PAK1: variants seen among roughly 807,000 people sequenced by gnomAD.
PAK1 encodes serine/threonine-protein kinase PAK 1.
PAK1 carries 29 observed loss-of-function variants against 67.4 expected under a neutral mutation model. The ratio of observed to expected loss-of-function variants is 0.43; its 90% CI spans 0.32 to 0.59. PAK1 has a LOEUF of 0.59. PAK1 is among the 20% of genes least tolerant of loss of function. PAK1 has a pLI of 0.07. For missense variants in PAK1, 337 were observed against 670.7 expected (o/e 0.50, Z 5.50); for synonymous variants, 223 against 237.4 (o/e 0.94, Z 0.56).
chr11:77,435,657 CTTTTT>C (rs35603502), intron 1 of PAK1, among the ~76,000 whole-genome samples: 2 of 68,600 alleles, frequency 2.9e-5, no homozygotes, highest in African/African-American at 6.8e-5. Flanking sequence ...CTACACCTGG[CTTTTT>C]TTTTTTTTTT....
At chr11:77,438,011 C>G (rs1853822022) in intron 1 of PAK1, among the ~76,000 whole-genome samples, 3 of 151,976 alleles carry the variant, frequency 2.0e-5, no homozygotes, top group Admixed American at 2.0e-4. Flanking sequence ...TTCCTTCTCC[C>G]TCTTCTCCTT....
chr11:77,383,593 G>C (rs560844166), intron 2 of PAK1, among the ~76,000 whole-genome samples: 4 of 152,172 alleles, frequency 2.6e-5, no homozygotes, highest in Admixed American at 2.6e-4. Flanking sequence ...CCAAAGTGCT[G>C]GTATTACAGG....
chr11:77,340,600 T>C (rs780335338), intron 11 of PAK1, 46 bp downstream of exon 11: 2 of 929,252 alleles, frequency 2.2e-6, no homozygotes, highest in Admixed American at 3.4e-5. Flanking sequence ...GAGACAGGAA[T>C]ATGGAGGCAG....
intron 4 of PAK1, among the ~76,000 whole-genome samples, chr11:77,375,573 T>C (rs1948987589): frequency 6.6e-6 from 1 of 152,260 alleles, no homozygotes; most frequent in South Asian, 2.1e-4. Context: ...TGTGTCCTAC[T>C]TTCTAAAGCA....
intron 1 of PAK1, among the ~76,000 whole-genome samples, chr11:77,445,073 A>G (rs1210025235): frequency 6.6e-6 from 1 of 152,236 alleles, no homozygotes; most frequent in African/African-American, 2.4e-5. Context: ...AAATGAGGTC[A>G]TTAGGGTGGA....
At chr11:77,361,434 A>C (rs1946769107) in intron 5 of PAK1, among the ~76,000 whole-genome samples, 1 of 152,188 alleles carries the variant, frequency 6.6e-6, no homozygotes, top group African/African-American at 2.4e-5. Flanking sequence ...TAAGGAAAGA[A>C]ACAAGGTCAG....
At chr11:77,453,961 T>C (rs1159982812) in intron 1 of PAK1, among the ~76,000 whole-genome samples, 1 of 152,172 alleles carries the variant, frequency 6.6e-6, no homozygotes, top group South Asian at 2.1e-4. Flanking sequence ...CACGTGCCTG[T>C]AGCCCCAGCT....
intron 7 of PAK1, among the ~76,000 whole-genome samples, chr11:77,354,065 T>A (rs1183286641): frequency 6.6e-6 from 1 of 152,126 alleles, no homozygotes; most frequent in Non-Finnish European, 1.5e-5. Flanking sequence ...AAAAAAAGAC[T>A]GGAAAAACTT....
At chr11:77,500,005 C>T in the PAK1 span, among the ~76,000 whole-genome samples, 2 of 152,176 alleles carry the variant, frequency 1.3e-5, no homozygotes, top group Non-Finnish European at 2.9e-5. Flanking sequence ...TCTGAACACA[C>T]GCATCTGAGA....
At chr11:77,426,180 A>T (rs914683962) in intron 1 of PAK1, among the ~76,000 whole-genome samples, 4 of 151,276 alleles carry the variant, frequency 2.6e-5, no homozygotes, top group African/African-American at 9.7e-5. Flanking sequence ...CTGTTTTCAG[A>T]CAAGCCACTC....
At chr11:77,413,010 C>A (rs1347386177) in intron 1 of PAK1, among the ~76,000 whole-genome samples, 1 of 152,182 alleles carries the variant, frequency 6.6e-6, no homozygotes, top group Non-Finnish European at 1.5e-5. Context: ...CAATAAAACA[C>A]ACCTTCACAC....
chr11:77,427,389 A>G (rs761594390), intron 1 of PAK1, among the ~76,000 whole-genome samples: 38 of 149,672 alleles, frequency 2.5e-4, no homozygotes, highest in African/African-American at 7.9e-4. Context: ...TTTTTTTTTA[A>G]AGACATATTT....
chr11:77,495,660 T>A, the PAK1 span, among the ~76,000 whole-genome samples: 1 of 152,200 alleles, frequency 6.6e-6, no homozygotes, highest in Non-Finnish European at 1.5e-5. Context: ...AAAGGATGGA[T>A]GAATAAGCAA....
At chr11:77,363,870 A>T (rs527696833) in intron 5 of PAK1, among the ~76,000 whole-genome samples, 2 of 152,356 alleles carry the variant, frequency 1.3e-5, no homozygotes, top group East Asian at 3.8e-4. Flanking sequence ...TTAAAAATAG[A>T]ATCTCTGGCA....
the PAK1 span, among the ~76,000 whole-genome samples, chr11:77,528,782 T>C: frequency 9.8e-5 from 15 of 152,350 alleles, no homozygotes; most frequent in South Asian, 1.7e-3. Flanking sequence ...TATATCCTTA[T>C]GGTGTCAATT....
intron 9 of PAK1, chr11:77,347,065 A>G (rs538878260): frequency 4.8e-5 from 22 of 456,106 alleles, no homozygotes; most frequent in Non-Finnish European, 8.4e-5. Context: ...GGACTCCAAT[A>G]AAGATTTATT....
At chr11:77,361,364 T>C (rs1946758284) in intron 5 of PAK1, among the ~76,000 whole-genome samples, 1 of 152,190 alleles carries the variant, frequency 6.6e-6, no homozygotes, top group Admixed American at 6.5e-5. Context: ...ATGCTTGGTA[T>C]GTTCCCACAA....
At chr11:77,368,761 A>G (rs1947964045) in intron 5 of PAK1, among the ~76,000 whole-genome samples, 1 of 152,022 alleles carries the variant, frequency 6.6e-6, no homozygotes, top group Non-Finnish European at 1.5e-5. Flanking sequence ...GGTTCAAGTG[A>G]TTCTTTTGCC....
chr11:77,379,830 G>T (rs1328404733), intron 3 of PAK1, 64 bp downstream of exon 3: 2 of 1,064,336 alleles, frequency 1.9e-6, no homozygotes, highest in Non-Finnish European at 2.8e-6. Flanking sequence ...AGAAAGGGTT[G>T]AATCTAACAG....
Sources: allele counts gnomAD v4.1 joint callset (sites outside exome capture counted in the v4.1 genomes callset), GRCh38; gene constraint gnomAD v4.1.1; transcripts MANE v1.5; gene names NCBI Gene and HGNC (gene_info 2026-07-23, HGNC 2026-07-21).